Variants in ARHGEF10 observed in about 807,000 individuals in gnomAD.
ARHGEF10 encodes Rho guanine nucleotide exchange factor 10, also known as Rho guanine nucleotide exchange factor (GEF) 10.
In ARHGEF10, 140 loss-of-function variants were observed where a neutral mutation model predicts 147.4. The observed-to-expected ratio is 0.95, with a 90% confidence interval of 0.83 to 1.09. The LOEUF (loss-of-function observed/expected upper bound fraction) is 1.09, where lower values mean the gene tolerates loss of function less well. Among genes scored for constraint, ARHGEF10 ranks in the 50% least tolerant of loss-of-function variants. ARHGEF10 has a pLI of 0.00. For missense variants in ARHGEF10, 2,222 were observed against 1,752.7 expected (o/e 1.27, Z -4.78); for synonymous variants, 902 against 695.8 (o/e 1.30, Z -4.67).
At chr8:1,875,840 C>T (rs536143973) in intron 7 of ARHGEF10, among the ~76,000 whole-genome samples, 5 of 152,136 alleles carry the variant, frequency 3.3e-5, no homozygotes, top group African/African-American at 7.2e-5. Context: ...TTTTTAAGGC[C>T]AAGTTTTGTT....
intron 18 of ARHGEF10, among the ~76,000 whole-genome samples, chr8:1,919,961 TG>T (rs1489531755): frequency 6.7e-6 from 1 of 148,844 alleles, no homozygotes; most frequent in Non-Finnish European, 1.5e-5. Flanking sequence ...CTATGGGTGA[TG>T]GAGCTGTTCT....
chr8:1,910,360 C>T (rs902400253), intron 18 of ARHGEF10, among the ~76,000 whole-genome samples: 1 of 152,190 alleles, frequency 6.6e-6, no homozygotes, highest in African/African-American at 2.4e-5. Context: ...AGGTCTAATT[C>T]GCTTTGGGAC....
chr8:1,894,055 T>C (rs1809766371), intron 12 of ARHGEF10, among the ~76,000 whole-genome samples: 1 of 151,568 alleles, frequency 6.6e-6, no homozygotes, highest in African/African-American at 2.4e-5. Context: ...GTGCCTATGG[T>C]CCCAGCTACT....
chr8:1,832,935 GAC>G (rs1803288686), intron 1 of ARHGEF10, among the ~76,000 whole-genome samples: 1 of 107,948 alleles, frequency 9.3e-6, no homozygotes, highest in Non-Finnish European at 2.0e-5. Flanking sequence ...CAGAGGCAGA[GAC>G]AGAAGCAGAG....
At chr8:1,841,832 C>T (rs1804062502) in intron 1 of ARHGEF10, among the ~76,000 whole-genome samples, 2 of 93,230 alleles carry the variant, frequency 2.1e-5, no homozygotes, top group Non-Finnish European at 5.0e-5. Context: ...GAACTGGGGC[C>T]GCGACGGGAA....
At chr8:1,905,294 G>A (rs1041254800) in intron 16 of ARHGEF10, among the ~76,000 whole-genome samples, 22 of 152,156 alleles carry the variant, frequency 1.4e-4, no homozygotes, top group Non-Finnish European at 2.6e-4. Context: ...TGCTTAATTA[G>A]GTTTACTTGG....
chr8:1,858,197 C>T (rs1303924980), intron 3 of ARHGEF10, 82 bp downstream of exon 3: 1 of 1,322,310 alleles, frequency 7.6e-7, no homozygotes, highest in African/African-American at 1.5e-5. Flanking sequence ...TGTGAGTCAC[C>T]AGGTGAGTTC....
chr8:1,852,621 T>G (rs189395492), intron 2 of ARHGEF10, among the ~76,000 whole-genome samples: 2 of 152,354 alleles, frequency 1.3e-5, no homozygotes, highest in Non-Finnish European at 2.9e-5. Flanking sequence ...CCTCGCCCTT[T>G]TTTGCATATA....
intron 1 of ARHGEF10, among the ~76,000 whole-genome samples, chr8:1,831,569 C>T (rs1393435063): frequency 2.0e-5 from 3 of 149,958 alleles, no homozygotes; most frequent in Admixed American, 6.6e-5. Context: ...GTGTGACATC[C>T]GTGGAGGGAC....
At chr8:1,923,346 T>C in intron 19 of ARHGEF10, 122 bp from the exon 20 acceptor site, 3 of 1,452,586 alleles carry the variant, frequency 2.1e-6, no homozygotes, top group Non-Finnish European at 2.8e-6. Flanking sequence ...GCTTTCTTTT[T>C]CATAATCTAA....
At chr8:1,865,600 C>A (rs1339809817) in intron 5 of ARHGEF10, among the ~76,000 whole-genome samples, 1 of 152,234 alleles carries the variant, frequency 6.6e-6, no homozygotes, top group Non-Finnish European at 1.5e-5. Flanking sequence ...ACCCACAGGG[C>A]CATCACCAGG....
chr8:1,933,733 G>A (rs568415841), intron 25 of ARHGEF10, 67 bp from the exon 26 acceptor site: 2 of 1,566,970 alleles, frequency 1.3e-6, no homozygotes, highest in East Asian at 2.2e-5. Flanking sequence ...AATGATGTAT[G>A]ACCCCATTTT....
intron 7 of ARHGEF10, among the ~76,000 whole-genome samples, chr8:1,874,876 G>A (rs1273392987): frequency 3.9e-4 from 28 of 71,746 alleles, no homozygotes; most frequent in African/African-American, 1.5e-3. Context: ...AGTCTGGTGG[G>A]AGAGTGCAGA....
chr8:1,903,299 T>G lies in ARHGEF10; in HGVS notation c.1669T>G (p.Ser557Ala). The change falls in exon 16 of 29, where the codon TCC (serine) becomes GCC (alanine). Residue 557 changes from serine to alanine, a missense_variant. Physicochemically the swap from Ser to Ala is moderately conservative, Grantham distance 99. Transcript: ENST00000349830. ...LLLQDMLKNT[S>A]KGHPDRLPLQ... ...CTTGTAGGACATGCTGAAGAACACC[T>G]CCAAAGGCCACCCCGACAGGCTGCC... The G allele has an allele frequency of 2.5e-6, 4 of 1,613,920 alleles. No individual in the cohort carries two copies. The highest frequency in any genetic ancestry group is 3.4e-6 in the Non-Finnish European group (4 of 1,180,000).
chr8:1,887,842 CACTG>C (rs1338682724), intron 11 of ARHGEF10, among the ~76,000 whole-genome samples: 1 of 140,022 alleles, frequency 7.1e-6, no homozygotes, highest in East Asian at 2.2e-4. Context: ...TCTGAGGAGA[CACTG>C]AGTGGGATGT....
intron 27 of ARHGEF10, among the ~76,000 whole-genome samples, chr8:1,949,501 A>G (rs1276916692): frequency 1.3e-5 from 2 of 152,202 alleles, no homozygotes; most frequent in Non-Finnish European, 2.9e-5. Context: ...AGTAGGTTAC[A>G]TCACCAGGCA....
In ARHGEF10 at chr8:1,909,531, T is replaced by C. The variant is rs112116780; in HGVS notation, c.2143+61T>C. 3,884 of 1,603,680 alleles carry C rather than the reference T, an allele frequency of 2.4e-3. 73 individuals carry two copies. In the African/African-American group the frequency reaches 0.043, roughly 18 times the overall value. On this transcript the variant is annotated intron_variant, in intron 18 of 28. Coordinates refer to ENST00000349830, the MANE Select transcript of ARHGEF10 (RefSeq NM_014629.4). ...GCCAGGGTAACTCTCACGTTCATGC[T>C]AGCTGTGGGGCCAGCGTAAGCTCCA...
chr8:1,876,476 C>G, intron 7 of ARHGEF10, 95 bp from the exon 8 acceptor site: 2 of 1,287,660 alleles, frequency 1.6e-6, no homozygotes, highest in African/African-American at 2.9e-5. Context: ...CTTCCACCCC[C>G]AGCTCTAGAT....
At chr8:1,954,411 A>G (rs533431432) in intron 28 of ARHGEF10, among the ~76,000 whole-genome samples, 2 of 152,292 alleles carry the variant, frequency 1.3e-5, no homozygotes, top group African/African-American at 2.4e-5. Flanking sequence ...GGAGGAATTC[A>G]GATTTTGGAT....
Sources: allele counts gnomAD v4.1 joint callset (sites outside exome capture counted in the v4.1 genomes callset), GRCh38; gene constraint gnomAD v4.1.1; transcripts MANE v1.5; gene names NCBI Gene and HGNC (gene_info 2026-07-23, HGNC 2026-07-21).